Variants in ATG10 observed in about 807,000 individuals in gnomAD.
ATG10 encodes the protein autophagy related 10, also known as ubiquitin-like-conjugating enzyme ATG10.
In ATG10, 30 loss-of-function variants were observed where a neutral mutation model predicts 32.1. The observed-to-expected ratio is 0.94, with a 90% CI of 0.70 to 1.27. ATG10 has a LOEUF of 1.27. Among genes scored for constraint, ATG10 ranks in the 50% most tolerant of loss-of-function variants. ATG10 has a pLI of 0.00. For missense variants in ATG10, 233 were observed against 262.3 expected (o/e 0.89, Z 0.77); for synonymous variants, 87 against 91.5 (o/e 0.95, Z 0.28).
At chr5:82,145,563 A>G (rs1374000371) in intron 3 of ATG10, among the ~76,000 whole-genome samples, 1 of 152,296 alleles carries the variant, frequency 6.6e-6, no homozygotes, top group East Asian at 1.9e-4. Flanking sequence ...TTTATATAAT[A>G]GTTGTCATAT....
chr5:82,228,258 T>C (rs1052075549), intron 5 of ATG10, among the ~76,000 whole-genome samples: 15 of 152,076 alleles, frequency 9.9e-5, no homozygotes, highest in Admixed American at 9.2e-4. Flanking sequence ...ATCAATACTA[T>C]ATAATGCCAT....
chr5:82,021,478 T>TA, intron 2 of ATG10, among the ~76,000 whole-genome samples: 1 of 152,358 alleles, frequency 6.6e-6, no homozygotes, highest in Non-Finnish European at 1.5e-5. Flanking sequence ...CTAGATTACT[T>TA]ACAATACCTG....
At chr5:81,983,124 G>C (rs1761109250) in intron 1 of ATG10, among the ~76,000 whole-genome samples, 1 of 151,860 alleles carries the variant, frequency 6.6e-6, no homozygotes. Context: ...TTCCCAGTAG[G>C]GGCGGCCGGA....
chr5:82,148,343 C>T (rs1258129998), intron 3 of ATG10, among the ~76,000 whole-genome samples: 1 of 152,158 alleles, frequency 6.6e-6, no homozygotes, highest in Non-Finnish European at 1.5e-5. Flanking sequence ...ACATCATGTT[C>T]TAGAACATCA....
intron 4 of ATG10, among the ~76,000 whole-genome samples, chr5:82,172,883 G>A (rs1052348687): frequency 3.3e-5 from 5 of 152,280 alleles, no homozygotes; most frequent in East Asian, 1.9e-4. Context: ...ATGAATGTAC[G>A]TGAACAATTG....
intron 4 of ATG10, among the ~76,000 whole-genome samples, chr5:82,175,371 C>A (rs996885570): frequency 6.6e-6 from 1 of 152,100 alleles, no homozygotes; most frequent in Non-Finnish European, 1.5e-5. Context: ...GTCTCAAACT[C>A]CTGGCTTCAA....
chr5:82,226,297 G>A (rs1007072070), intron 5 of ATG10, among the ~76,000 whole-genome samples: 1 of 152,162 alleles, frequency 6.6e-6, no homozygotes, highest in Admixed American at 6.5e-5. Flanking sequence ...GTTAAAGAGA[G>A]CTGGTGAATA....
chr5:82,113,551 T>C (rs1765685130), intron 3 of ATG10, among the ~76,000 whole-genome samples: 1 of 152,008 alleles, frequency 6.6e-6, no homozygotes, highest in African/African-American at 2.4e-5. Context: ...TTATTTCAAG[T>C]GTATTGTACT....
intron 5 of ATG10, among the ~76,000 whole-genome samples, chr5:82,238,202 T>C (rs1195750252): frequency 6.6e-6 from 1 of 152,236 alleles, no homozygotes; most frequent in African/African-American, 2.4e-5. Context: ...TTTTTGCTAG[T>C]GCCACTGTGA....
chr5:82,122,251 C>G (rs535411566), intron 3 of ATG10, among the ~76,000 whole-genome samples: 2 of 152,108 alleles, frequency 1.3e-5, no homozygotes, highest in East Asian at 3.9e-4. Flanking sequence ...CTGACAAAAA[C>G]AAGCAATGGG....
intron 3 of ATG10, among the ~76,000 whole-genome samples, chr5:82,089,818 A>G (rs1764817669): frequency 1.3e-5 from 2 of 152,124 alleles, no homozygotes; most frequent in Admixed American, 1.3e-4. Context: ...AAGCCACAGA[A>G]TAGGAGAACA....
At chr5:82,247,825 T>C (rs1377765465) in intron 5 of ATG10, among the ~76,000 whole-genome samples, 2 of 152,226 alleles carry the variant, frequency 1.3e-5, no homozygotes, top group Non-Finnish European at 2.9e-5. Flanking sequence ...TTTGGTTTAG[T>C]AATTTTCCTA....
intron 2 of ATG10, among the ~76,000 whole-genome samples, chr5:82,015,859 A>G (rs939329361): frequency 6.6e-6 from 1 of 152,122 alleles, no homozygotes; most frequent in Non-Finnish European, 1.5e-5. Context: ...GCTTTGTTCC[A>G]TTGCTGGTGA....
chr5:82,037,469 G>C (rs996277553), intron 2 of ATG10, among the ~76,000 whole-genome samples: 20 of 150,220 alleles, frequency 1.3e-4, no homozygotes, highest in Non-Finnish European at 2.7e-4. Flanking sequence ...GGATGGTCTC[G>C]ATCTCCTGAC....
intron 3 of ATG10, among the ~76,000 whole-genome samples, chr5:82,109,990 C>T (rs569815699): frequency 6.6e-6 from 1 of 151,066 alleles, no homozygotes; most frequent in Admixed American, 6.6e-5. Flanking sequence ...TGATGTTCCC[C>T]TTCCTGTGTC....
At chr5:82,188,397 C>G (rs566506018) in intron 5 of ATG10, among the ~76,000 whole-genome samples, 1 of 152,046 alleles carries the variant, frequency 6.6e-6, no homozygotes, top group African/African-American at 2.4e-5. Context: ...TTCATTGATC[C>G]CTGGAATTAC....
intron 3 of ATG10, among the ~76,000 whole-genome samples, chr5:82,127,651 T>G (rs1174998666): frequency 3.9e-5 from 6 of 151,932 alleles, no homozygotes; most frequent in African/African-American, 1.2e-4. Flanking sequence ...TCTGAGAGAC[T>G]GTTATGGTTT....
intron 3 of ATG10, among the ~76,000 whole-genome samples, chr5:82,069,562 C>A (rs1764055076): frequency 6.6e-6 from 1 of 152,160 alleles, no homozygotes; most frequent in Non-Finnish European, 1.5e-5. Flanking sequence ...ACTTCCATCA[C>A]AACTGTGTCC....
At chr5:81,997,392 G>C (rs1761699406) in intron 2 of ATG10, among the ~76,000 whole-genome samples, 1 of 152,108 alleles carries the variant, frequency 6.6e-6, no homozygotes, top group Non-Finnish European at 1.5e-5. Flanking sequence ...GGTGAGCCTT[G>C]GCCCCCTAAA....
Sources: allele counts gnomAD v4.1 joint callset (sites outside exome capture counted in the v4.1 genomes callset), GRCh38; gene constraint gnomAD v4.1.1; transcripts MANE v1.5; gene names NCBI Gene and HGNC (gene_info 2026-07-23, HGNC 2026-07-21).